ADAD1: variants seen among roughly 807,000 people sequenced by gnomAD.
ADAD1 encodes adenosine deaminase domain containing 1.
In ADAD1, 46 loss-of-function variants were observed where a neutral mutation model predicts 66.8. That is an observed-to-expected ratio of 0.69 (90% CI 0.54 to 0.88). The LOEUF (loss-of-function observed/expected upper bound fraction) is 0.88, where lower values mean the gene tolerates loss of function less well. Ranked by LOEUF, ADAD1 falls within the 40% of genes least tolerant of loss-of-function variation. The pLI is 0.00. For synonymous variants in ADAD1, 248 were observed against 229.4 expected (o/e 1.08, Z -0.73); for missense variants, 617 against 681.8 (o/e 0.91, Z 1.06).
At position 122,429,619 on chromosome 4, in the gene ADAD1, TCTC is replaced by T. The variant is rs1310921097; in HGVS notation, c.1618-6_1618-4del. ...TTTCTATAATTCATTTTTTCTTTCT[TCTC>T]TAGTGTATGTCTGCCTCCTATCAAG... On this transcript the variant is annotated splice_region_variant and splice_polypyrimidine_tract_variant and intron_variant, in intron 12 of 12. Coordinates refer to ENST00000296513, the MANE Select transcript of ADAD1 (RefSeq NM_139243.4). The T allele has an allele frequency of 5.1e-6, 8 of 1,579,136 alleles. No homozygotes were observed. Among genetic ancestry groups the T allele is most frequent in the African/African-American group, 4.0e-5 (3 of 74,278 alleles).
chr4:122,419,932 T>C (rs146471027), intron 11 of ADAD1, among the ~76,000 whole-genome samples: 2 of 152,358 alleles, frequency 1.3e-5, no homozygotes, highest in Admixed American at 6.5e-5. Flanking sequence ...ATTATCATGA[T>C]TGATAAAATG....
chr4:122,425,400 T>C (rs944086779), intron 12 of ADAD1, among the ~76,000 whole-genome samples: 2 of 152,070 alleles, frequency 1.3e-5, no homozygotes, highest in African/African-American at 4.8e-5. Context: ...AATTGCTATA[T>C]ATTTGGAAGT....
chr4:122,387,639 G>T (rs1163057424), intron 5 of ADAD1, among the ~76,000 whole-genome samples: 10 of 151,968 alleles, frequency 6.6e-5, no homozygotes, highest in Middle Eastern at 6.9e-3. Flanking sequence ...CAAAGGGAAT[G>T]CTTCCAGCTT....
At chr4:122,422,977 A>AAAAAG (rs983338264) in intron 12 of ADAD1, among the ~76,000 whole-genome samples, 17 of 149,212 alleles carry the variant, frequency 1.1e-4, no homozygotes, top group African/African-American at 4.0e-4. Context: ...AAAAAAAAAA[A>AAAAAG]AAGAAGAAGA....
intron 5 of ADAD1, 98 bp from the exon 6 acceptor site, chr4:122,393,491 A>T: frequency 1.7e-6 from 2 of 1,161,460 alleles, no homozygotes; most frequent in South Asian, 1.7e-5. Flanking sequence ...ACGGAAAAAA[A>T]AATTTTTGGA....
intron 7 of ADAD1, among the ~76,000 whole-genome samples, chr4:122,407,165 A>T (rs536574509): frequency 2.1e-4 from 32 of 152,308 alleles, no homozygotes; most frequent in Non-Finnish European, 4.0e-4. Context: ...GTAGAACTGA[A>T]CTTTGTTTGA....
intron 11 of ADAD1, among the ~76,000 whole-genome samples, chr4:122,416,891 T>C (rs893946781): frequency 6.6e-6 from 1 of 152,098 alleles, no homozygotes; most frequent in Non-Finnish European, 1.5e-5. Flanking sequence ...AATAACAGAC[T>C]CAACTAAACA....
At chr4:122,393,163 A>G (rs1035288032) in intron 5 of ADAD1, among the ~76,000 whole-genome samples, 1 of 152,012 alleles carries the variant, frequency 6.6e-6, no homozygotes. Flanking sequence ...AAAACTGCGA[A>G]TGTAGCATTC....
chr4:122,418,787 C>G (rs992238357), intron 11 of ADAD1, among the ~76,000 whole-genome samples: 1 of 152,064 alleles, frequency 6.6e-6, no homozygotes, highest in Admixed American at 6.6e-5. Context: ...GTATATAATA[C>G]TTAAATCTGA....
rs762101029 is a variant in ADAD1, at chr4:122,412,599, A to C, written c.1039A>C (p.Ile347Leu). Residue 347 changes from isoleucine (I) to leucine (L), a missense_variant, in exon 10 of 13, where the codon ATA (isoleucine) becomes CTA (leucine). Transcript: ENST00000296513. ...CTCTAGACGTCTTAATCCACATTCT[A>C]TATCTGCATTTGAAGCCAATGAAGA... Reference protein sequence around the residue: ...KSQLRLNPHSISAFEANEELC... With the variant: ...KSQLRLNPHSLSAFEANEELC... 8 of 1,613,606 alleles carry C rather than the reference A, an allele frequency of 5.0e-6. No homozygotes were observed. The highest frequency in any genetic ancestry group is 6.8e-6 in the Non-Finnish European group (8 of 1,179,696).
intron 8 of ADAD1, 36 bp from the exon 9 acceptor site, chr4:122,411,186 G>GT: frequency 6.7e-7 from 1 of 1,490,462 alleles, no homozygotes; most frequent in Non-Finnish European, 9.1e-7. Context: ...CTTTTATAAA[G>GT]TTTATTACTT....
At chr4:122,426,783 C>A (rs186326844) in intron 12 of ADAD1, among the ~76,000 whole-genome samples, 1 of 152,194 alleles carries the variant, frequency 6.6e-6, no homozygotes, top group African/African-American at 2.4e-5. Context: ...AGTCCAGCAC[C>A]CATTCACAAT....
rs1796452470 is a variant in ADAD1 at position 122,411,266 on chromosome 4, C to T, written c.893C>T (p.Ala298Val). ...CTGCTCTTCTACAGCAAAAATCCTG[C>T]TATGATGGAAAAATCAATATTTTGT... ...QLLLFYSKNP[A>V]MMEKSIFCTE... is the part of the protein sequence containing the mutation. The change falls in exon 9 of 13, where the codon GCT becomes GTT. Residue 298 changes from alanine (A) to valine (V), a missense_variant. Ala to Val is a moderately conservative substitution (Grantham distance 64). Coordinates refer to ENST00000296513, the MANE Select transcript of ADAD1 (RefSeq NM_139243.4). 6.2e-7 allele frequency: 1 copy of T among 1,610,360 alleles called. No homozygotes were observed. The highest frequency in any genetic ancestry group is 1.3e-5 in the African/African-American group (1 of 74,764).
rs549022111 is a variant in ADAD1, at chr4:122,391,850, C to A, written c.530-1739C>A. 1.2e-4 allele frequency among the ~76,000 whole-genome samples: 19 copies of A among 152,272 alleles called. No homozygotes were observed. In the South Asian group the frequency reaches 3.9e-3, roughly 32 times the overall value. ...TCAGCTTCCTGAGTAGCTGGAATTACAGGTGCGCGCCACCATGCCCAGCTG... is the reference window on the plus strand; with the variant it reads ...TCAGCTTCCTGAGTAGCTGGAATTAAAGGTGCGCGCCACCATGCCCAGCTG... On this transcript the variant is annotated intron_variant, in intron 5 of 12. Coordinates refer to ENST00000296513, the MANE Select transcript of ADAD1 (RefSeq NM_139243.4).
intron 5 of ADAD1, among the ~76,000 whole-genome samples, chr4:122,393,371 T>A (rs1257239587): frequency 2.0e-5 from 3 of 152,140 alleles, no homozygotes; most frequent in Admixed American, 6.5e-5. Flanking sequence ...AATATTGTAC[T>A]GTAAGATTAG....
At chr4:122,412,905 A>G (rs536027210) in intron 10 of ADAD1, 96 bp downstream of exon 10, 2 of 1,012,878 alleles carry the variant, frequency 2.0e-6, no homozygotes, top group South Asian at 3.2e-5. Flanking sequence ...GTTTTTGCAT[A>G]CGTGAAACTT....
chr4:122,386,152 C>T (rs1328085340), intron 5 of ADAD1, among the ~76,000 whole-genome samples: 1 of 152,154 alleles, frequency 6.6e-6, no homozygotes, highest in Non-Finnish European at 1.5e-5. Flanking sequence ...AATTTACATT[C>T]CCACCAATAG....
chr4:122,417,670 T>G (rs955933575), intron 11 of ADAD1, among the ~76,000 whole-genome samples: 5 of 152,208 alleles, frequency 3.3e-5, no homozygotes, highest in Non-Finnish European at 1.5e-5. Flanking sequence ...ATTTCATTAC[T>G]TTAAACTCTG....
chr4:122,404,655 A>G (rs1211511209), intron 7 of ADAD1, among the ~76,000 whole-genome samples: 2 of 152,126 alleles, frequency 1.3e-5, no homozygotes, highest in East Asian at 1.9e-4. Context: ...GAGTCTCCAC[A>G]CGCTATTCTG....
Sources: gnomAD v4.1 joint callset for allele counts (sites outside exome capture counted in the v4.1 genomes callset) on GRCh38, gnomAD v4.1.1 for gene constraint, MANE v1.5 for transcripts, NCBI Gene and HGNC (gene_info 2026-07-23, HGNC 2026-07-21) for gene names.